Variants in PHF19 observed in about 807,000 individuals in gnomAD.
PHF19 encodes polycomb like 3.
In PHF19, 21 loss-of-function variants were observed where a neutral mutation model predicts 79.8. The ratio of observed to expected loss-of-function variants is 0.26; its 90% confidence interval spans 0.19 to 0.38. The LOEUF is 0.38. Among genes scored for constraint, PHF19 ranks in the 10% least tolerant of loss-of-function variants. The probability of loss-of-function intolerance (pLI) is 1.00; values close to 1 mark genes in which losing one functional copy is unlikely to be tolerated. For synonymous variants in PHF19, 273 were observed against 296.3 expected (o/e 0.92, Z 0.81); for missense variants, 445 against 744.2 (o/e 0.60, Z 4.68).
rs138836169 is a variant in PHF19, at chr9:120,867,762, T to G, written c.615-797A>C. On this transcript the variant is annotated intron_variant, in intron 6 of 14. Transcript: ENST00000373896. ...ATTTGAGAGATGAAGTAGTTCAAGC[T>G]TTGCCCAAGTTACCCAGCTGGAGCT... Among the ~76,000 whole-genome samples, 565 of 152,316 alleles carry G rather than the reference T, an allele frequency of 3.7e-3. 3 individuals are homozygous for G. The highest frequency in any genetic ancestry group is 0.013 in the African/African-American group (525 of 41,578).
In PHF19 at chr9:120,860,028, G is replaced by A. The variant is rs1436932860; in HGVS notation, c.1400+62C>T. 2.4e-6 allele frequency: 2 copies of A among 825,520 alleles called. No individual in the cohort carries two copies. The highest frequency in any genetic ancestry group is 1.4e-5 in the South Asian group (1 of 69,460). The allele number at this position is 825,520 out of a possible 1,614,324, so 51.1% of individuals were successfully genotyped here. ...CCACACATTACAGAAGTGGGAGGTG[G>A]AGGGGCTGAGAGGAATGATGGTCCT... On this transcript the variant is annotated intron_variant, in intron 14 of 14. Coordinates refer to ENST00000373896, the MANE Select transcript of PHF19 (RefSeq NM_015651.3). The surrounding 1 kb of genome is among the most constrained non-coding windows in gnomAD (Gnocchi z 4.1).
chr9:120,865,883 C>T (rs999336787), intron 8 of PHF19, 53 bp from the exon 9 acceptor site: 2 of 1,612,800 alleles, frequency 1.2e-6, no homozygotes, highest in Non-Finnish European at 1.7e-6. Flanking sequence ...CCTGCTCAGC[C>T]AGGGTCACAG....
chr9:120,876,957 A>G, intron 1 of PHF19, 134 bp downstream of exon 1: 1 of 897,296 alleles, frequency 1.1e-6, no homozygotes. Flanking sequence ...CACCCCCGAG[A>G]GCCCCGCTCC....
intron 6 of PHF19, chr9:120,868,865 G>C (rs1389711126): frequency 2.8e-6 from 3 of 1,081,988 alleles, no homozygotes; most frequent in East Asian, 5.9e-5. Context: ...CCGAGGCCTC[G>C]CCCCAAGGTC....
At position 120,882,284 on chromosome 9, in the gene PHF19, GC is replaced by G. The variant is rs2046197867; in HGVS notation, c.43-7529del. Among the ~76,000 whole-genome samples the G allele has an allele frequency of 3.3e-5, 5 of 152,338 alleles. No individual in the cohort carries two copies. In the South Asian group the frequency reaches 1.0e-3, roughly 32 times the overall value. On this transcript the variant is annotated intron_variant, in intron 1 of 14. Transcript: ENST00000616568. Reference sequence around the variant, plus strand: ...AGAGAGCCCTGAGAGAAGGTTCCCTGCCTCCCAGTGATCCATCCTCTTCCTT... The same window carrying G: ...AGAGAGCCCTGAGAGAAGGTTCCCTGCTCCCAGTGATCCATCCTCTTCCTT...
At chr9:120,880,641 G>A (rs2046165968), upstream of PHF19, among the ~76,000 whole-genome samples, 1 of 152,216 alleles carries the variant, frequency 6.6e-6, no homozygotes, top group African/African-American at 2.4e-5. Context: ...CATAGGTACA[G>A]TGTGACACAA....
At position 120,860,227 on chromosome 9, in the gene PHF19, A is replaced by C. The variant is rs2131481688; in HGVS notation, c.1305-42T>G. 1 of 1,160,026 alleles carries C rather than the reference A, an allele frequency of 8.6e-7. No homozygotes were observed. Among genetic ancestry groups the C allele is most frequent in the Non-Finnish European group, 1.3e-6 (1 of 788,654 alleles). 71.9% of individuals were successfully genotyped at this position (1,160,026 alleles called of 1,614,324 possible). A position where few individuals can be genotyped will look rare whatever the true frequency, so the allele number is the denominator to read the frequency against. ...CGTGAGCCTGCTGGTGGCCCGGCCCAGCAAGTTCCTGCCAACCTGGCCCGC... is the reference window on the plus strand; with the variant it reads ...CGTGAGCCTGCTGGTGGCCCGGCCCCGCAAGTTCCTGCCAACCTGGCCCGC... On this transcript the variant is annotated intron_variant, in intron 13 of 14. Coordinates refer to ENST00000373896, the MANE Select transcript of PHF19 (RefSeq NM_015651.3). This position sits in a 1 kb window ranked among gnomAD's most constrained non-coding sequence, Gnocchi z 4.1.
intron 1 of PHF19, among the ~76,000 whole-genome samples, chr9:120,887,097 A>AG (rs2046275097): frequency 6.6e-6 from 1 of 151,618 alleles, no homozygotes; most frequent in Non-Finnish European, 1.5e-5. Flanking sequence ...AGAAAAGAAA[A>AG]AAGAAAATTA....
intron 1 of PHF19, among the ~76,000 whole-genome samples, chr9:120,884,935 A>T (rs1267006707): frequency 6.6e-6 from 1 of 152,052 alleles, no homozygotes; most frequent in Admixed American, 6.6e-5. Flanking sequence ...AATAAAAATT[A>T]AAAAAAGCCA....
intron 12 of PHF19, among the ~76,000 whole-genome samples, chr9:120,861,546 T>C (rs2045525247): frequency 6.6e-6 from 1 of 152,174 alleles, no homozygotes; most frequent in Non-Finnish European, 1.5e-5. Flanking sequence ...CAGGGAGGGC[T>C]TCAGGGAGGT....
rs770119298 is a variant in PHF19 at position 120,870,480 on chromosome 9, C to T, written c.327G>A (p.Pro109=). The change falls in exon 4 of 15, where the codon CCG becomes CCA. Residue 109 remains proline, a synonymous_variant. Coordinates refer to ENST00000373896, the MANE Select transcript of PHF19 (RefSeq NM_015651.3). This position sits in a 1 kb window ranked among gnomAD's most constrained non-coding sequence, Gnocchi z 4.4. ...TCCCGCAGATGAGGATCTCATTCAG[C>T]GGCCCTGATGTCTTCCCTAGGCAGA... The part of the protein sequence containing the change: ...CNICLGKTSG[P]LNEILICGKC... 5.6e-6 allele frequency: 9 copies of T among 1,613,154 alleles called. No homozygotes were observed. The highest frequency in any genetic ancestry group is 2.2e-5 in the East Asian group (1 of 44,888).
At chr9:120,884,518 C>T (rs2046236597) in intron 1 of PHF19, among the ~76,000 whole-genome samples, 1 of 152,106 alleles carries the variant, frequency 6.6e-6, no homozygotes, top group African/African-American at 2.4e-5. Context: ...CAGAGGAGAG[C>T]AAATAAGAAG....
intron 14 of PHF19, among the ~76,000 whole-genome samples, 154 bp downstream of exon 14, chr9:120,859,936 G>A (rs189317927): frequency 5.9e-5 from 9 of 152,306 alleles, no homozygotes; most frequent in Admixed American, 3.3e-4. Context: ...CAGAGGGTCC[G>A]AGAGCCAGAC....
In PHF19 at chr9:120,869,073, A is replaced by C; in HGVS notation, c.614+109T>G. 3 of 1,187,598 alleles carry C rather than the reference A, an allele frequency of 2.5e-6. No homozygotes were observed. Among genetic ancestry groups the C allele is most frequent in the Non-Finnish European group, 3.3e-6 (3 of 897,946 alleles). 73.6% of individuals were successfully genotyped at this position (1,187,598 alleles called of 1,614,324 possible). The stretch of plus-strand genomic sequence containing the variant: ...GCGCAACACACTGGGCCCGCCCTCA[A>C]GGTCCCCGCCTTGGCTGACACGCCA... On this transcript the variant is annotated intron_variant, in intron 6 of 14. Transcript: ENST00000373896. This position sits in a 1 kb window ranked among gnomAD's most constrained non-coding sequence, Gnocchi z 5.8.
At chr9:120,863,866 G>C (rs772377269) in intron 10 of PHF19, among the ~76,000 whole-genome samples, 183 bp downstream of exon 10, 3 of 152,202 alleles carry the variant, frequency 2.0e-5, no homozygotes, top group Non-Finnish European at 4.4e-5. Context: ...CAGGCTGCTG[G>C]GGTGGTTGGA....
At chr9:120,894,948 G>A (rs1588142875), upstream of PHF19, 5 of 440,974 alleles carry the variant, frequency 1.1e-5, no homozygotes, top group East Asian at 1.5e-4. Flanking sequence ...CAGTCCGCCA[G>A]CCTCGGCTCC....
At chr9:120,893,879 G>A (rs921534136) in intron 1 of PHF19, among the ~76,000 whole-genome samples, 3 of 152,238 alleles carry the variant, frequency 2.0e-5, no homozygotes, top group African/African-American at 7.2e-5. Flanking sequence ...AAGAGGCACT[G>A]TTGCATAGGG....
At chr9:120,894,562 A>T (rs2046380841) in intron 1 of PHF19, among the ~76,000 whole-genome samples, 1 of 151,982 alleles carries the variant, frequency 6.6e-6, no homozygotes, top group African/African-American at 2.4e-5. Context: ...GCTCCCGCGA[A>T]GGCCGCGGCG....
At chr9:120,899,373 G>A (rs566514235), upstream of PHF19, among the ~76,000 whole-genome samples, 1 of 151,442 alleles carries the variant, frequency 6.6e-6, no homozygotes, top group African/African-American at 2.4e-5. Context: ...GTGGGCGCCT[G>A]TAGTCCCAGC....
Sources: allele counts gnomAD v4.1 joint callset (sites outside exome capture counted in the v4.1 genomes callset), GRCh38; gene constraint gnomAD v4.1.1; non-coding constraint Gnocchi (gnomAD v3.1); transcripts MANE v1.5; gene names NCBI Gene and HGNC (gene_info 2026-07-23, HGNC 2026-07-21).